GLIS3: variants seen among roughly 807,000 people sequenced by gnomAD.
GLIS3 encodes the protein GLIS family zinc finger 3, also known as zinc finger protein GLIS3.
A neutral mutation model predicts 78.6 loss-of-function variants in GLIS3; 53 were observed. The ratio of observed to expected loss-of-function variants is 0.67; its 90% CI spans 0.54 to 0.85. GLIS3 has a LOEUF of 0.85. Among genes scored for constraint, GLIS3 ranks in the 40% least tolerant of loss-of-function variants. GLIS3 has a pLI of 0.00. For synonymous variants in GLIS3, 684 were observed against 509.9 expected (o/e 1.34, Z -4.60); for missense variants, 1,703 against 1,231.1 (o/e 1.38, Z -5.74).
At chr9:4,213,213 C>T (rs1336255599) in intron 2 of GLIS3, among the ~76,000 whole-genome samples, 1 of 152,114 alleles carries the variant, frequency 6.6e-6, no homozygotes, top group African/African-American at 2.4e-5. Flanking sequence ...AGATATCCTC[C>T]TTCCTTTGTC....
upstream of GLIS3, among the ~76,000 whole-genome samples, chr9:4,352,090 GACTC>G (rs1817978745): frequency 6.6e-6 from 1 of 152,220 alleles, no homozygotes; most frequent in Non-Finnish European, 1.5e-5. Flanking sequence ...CGTGAAGACA[GACTC>G]ACAACTACGA....
intron 1 of GLIS3, among the ~76,000 whole-genome samples, chr9:4,292,096 G>A (rs571113457): frequency 3.2e-4 from 48 of 152,244 alleles, no homozygotes; most frequent in African/African-American, 1.1e-3. Context: ...AATAAGTTCA[G>A]AAAGTACCAT....
chr9:3,981,886 A>C (rs1022570395), intron 4 of GLIS3, among the ~76,000 whole-genome samples: 1 of 152,118 alleles, frequency 6.6e-6, no homozygotes, highest in Non-Finnish European at 1.5e-5. Context: ...AAACCCTGAG[A>C]GCTACTTCAA....
the GLIS3 span, among the ~76,000 whole-genome samples, chr9:4,474,743 C>A: frequency 7.0e-6 from 1 of 143,378 alleles, no homozygotes; most frequent in African/African-American, 2.6e-5. Flanking sequence ...GTCACCCAGG[C>A]TGGAGTGCAG....
intron 2 of GLIS3, among the ~76,000 whole-genome samples, chr9:4,169,128 C>A (rs1816144577): frequency 6.6e-6 from 1 of 152,090 alleles, no homozygotes; most frequent in South Asian, 2.1e-4. Context: ...AATTGTTGGT[C>A]AAGCTTTCTG....
intron 9 of GLIS3, among the ~76,000 whole-genome samples, chr9:3,854,867 C>G (rs1258749165): frequency 6.6e-6 from 1 of 152,120 alleles, no homozygotes. Flanking sequence ...TTATCCAAGC[C>G]TAGCTCCATA....
Position 4,091,968 on chromosome 9 carries a change from T to G in GLIS3, c.1710+25800A>C, listed in dbSNP as rs1270271525. On this transcript the variant is annotated intron_variant, in intron 4 of 10. Transcript: ENST00000381971. ...TGATACACTTGTATAGAGCACTTAC[T>G]AGGAATGGAGTCTGTGGGACTGGAA... Among the ~76,000 whole-genome samples, 5 of 152,104 alleles carry G rather than the reference T, an allele frequency of 3.3e-5. No individual in the cohort carries two copies. In the East Asian group the frequency reaches 9.6e-4, roughly 29 times the overall value.
intron 4 of GLIS3, among the ~76,000 whole-genome samples, chr9:3,964,596 C>G (rs997202774): frequency 3.9e-5 from 6 of 152,164 alleles, no homozygotes; most frequent in Admixed American, 1.3e-4. Context: ...ATCAATTATT[C>G]TCCAGCAGAT....
intron 4 of GLIS3, among the ~76,000 whole-genome samples, chr9:3,941,949 C>A (rs1815956000): frequency 6.6e-6 from 1 of 152,116 alleles, no homozygotes; most frequent in African/African-American, 2.4e-5. Flanking sequence ...TTAAGATGAC[C>A]TTTGAAATGT....
the GLIS3 span, among the ~76,000 whole-genome samples, chr9:4,453,892 A>T: frequency 2.6e-5 from 4 of 152,286 alleles, no homozygotes; most frequent in Middle Eastern, 0.01. Context: ...GAAATACCTA[A>T]TGTAAATGAC....
chr9:3,926,242 T>G (rs1825233572), intron 6 of GLIS3, among the ~76,000 whole-genome samples: 1 of 149,846 alleles, frequency 6.7e-6, no homozygotes, highest in African/African-American at 2.4e-5. Flanking sequence ...TGTTTTTTTT[T>G]TTTTCTTTGA....
At chr9:4,051,640 G>A (rs1423128081) in intron 4 of GLIS3, among the ~76,000 whole-genome samples, 1 of 152,164 alleles carries the variant, frequency 6.6e-6, no homozygotes, top group African/African-American at 2.4e-5. Context: ...TTTGAAAACT[G>A]AGTTTTGTTT....
chr9:4,296,189 A>C (rs1328329203), intron 1 of GLIS3, among the ~76,000 whole-genome samples: 1 of 152,074 alleles, frequency 6.6e-6, no homozygotes, highest in East Asian at 1.9e-4. Flanking sequence ...GAGTAAATTA[A>C]CACTCCAACT....
Position 4,112,135 on chromosome 9 carries a change from C to G in GLIS3, c.1710+5633G>C, listed in dbSNP as rs575195708. ...CCAAATCAAGGAGGCAAGGAGGTGG[C>G]AACAATGTATACATGGTTCAGCACA... is the stretch of plus-strand genomic sequence containing the variant. On this transcript the variant is annotated intron_variant, in intron 4 of 10. Coordinates refer to ENST00000381971, the MANE Select transcript of GLIS3 (RefSeq NM_001042413.2). Among the ~76,000 whole-genome samples the G allele has an allele frequency of 2.0e-5, 3 of 152,214 alleles. No individual in the cohort carries two copies. The South Asian group carries it at 6.2e-4, about 32-fold the overall frequency.
chr9:4,410,191 G>C, the GLIS3 span, among the ~76,000 whole-genome samples: 2 of 150,840 alleles, frequency 1.3e-5, no homozygotes, highest in African/African-American at 2.4e-5. Flanking sequence ...TGGCCAGGCT[G>C]GTCTCAAACT....
chr9:4,086,854 C>G (rs757952386), intron 4 of GLIS3, among the ~76,000 whole-genome samples: 1 of 152,200 alleles, frequency 6.6e-6, no homozygotes, highest in Non-Finnish European at 1.5e-5. Context: ...TCCCACAGAG[C>G]CTTGCTGTTC....
chr9:4,005,281 T>G (rs949918969), intron 4 of GLIS3, among the ~76,000 whole-genome samples: 3 of 152,260 alleles, frequency 2.0e-5, no homozygotes, highest in African/African-American at 7.2e-5. Flanking sequence ...AATCCCACTG[T>G]TATAAACTTA....
chr9:4,042,894 A>G (rs1824938362), intron 4 of GLIS3, among the ~76,000 whole-genome samples: 1 of 151,486 alleles, frequency 6.6e-6, no homozygotes, highest in Non-Finnish European at 1.5e-5. Context: ...ACACATTATT[A>G]TGAGCAGAAT....
At chr9:4,418,534 A>G in the GLIS3 span, among the ~76,000 whole-genome samples, 2 of 152,206 alleles carry the variant, frequency 1.3e-5, no homozygotes, top group Non-Finnish European at 2.9e-5. Context: ...CCCCGTGTCT[A>G]CTAAAAATAC....
Sources: gnomAD v4.1 joint callset for allele counts (sites outside exome capture counted in the v4.1 genomes callset) on GRCh38, gnomAD v4.1.1 for gene constraint, MANE v1.5 for transcripts, NCBI Gene and HGNC (gene_info 2026-07-23, HGNC 2026-07-21) for gene names.